The following UROS variants were observed in gnomAD, a reference collection of about 807,000 sequenced individuals.
The protein encoded by UROS is uroporphyrinogen III synthase.
UROS carries 18 observed loss-of-function variants against 33.0 expected under a neutral mutation model. That is an observed-to-expected ratio of 0.55 (90% confidence interval 0.38 to 0.81). The LOEUF is 0.81. Among genes scored for constraint, UROS ranks in the 30% least tolerant of loss-of-function variants. The pLI is 0.00. For synonymous variants in UROS, 114 were observed against 121.1 expected (o/e 0.94, Z 0.38); for missense variants, 293 against 314.9 (o/e 0.93, Z 0.53).
At chr10:125,820,704 C>A (rs886652492) in intron 1 of UROS, among the ~76,000 whole-genome samples, 12 of 152,206 alleles carry the variant, frequency 7.9e-5, no homozygotes, top group African/African-American at 2.9e-4. Context: ...GGAGGTGAAA[C>A]CAAGTCCCTG....
rs1850706336 is a variant in UROS, at chr10:125,788,693, G to A, written c.*175C>T. On this transcript the variant is annotated 3_prime_UTR_variant, in exon 10 of 10. Coordinates refer to ENST00000368797, the MANE Select transcript of UROS (RefSeq NM_000375.3). Reference sequence around the variant, plus strand: ...CCACAGAGGGCAGTCACGTGCACGTGGGCCTGAGGCCAGCCCCAGGTCAGG... The same window carrying A: ...CCACAGAGGGCAGTCACGTGCACGTAGGCCTGAGGCCAGCCCCAGGTCAGG... 2 of 1,431,542 alleles carry A rather than the reference G, an allele frequency of 1.4e-6. No individual in the cohort carries two copies. The highest frequency in any genetic ancestry group is 1.4e-5 in the African/African-American group (1 of 69,632). 88.7% of individuals were successfully genotyped at this position (1,431,542 alleles called of 1,614,324 possible).
intron 1 of UROS, among the ~76,000 whole-genome samples, chr10:125,817,642 C>CAT (rs397774166): frequency 6.6e-6 from 1 of 151,182 alleles, no homozygotes; most frequent in Admixed American, 6.6e-5. Flanking sequence ...ATCTATTGAA[C>CAT]TTACTGCCTC....
At chr10:125,816,151 T>C (rs780359273) in intron 3 of UROS, 26 bp downstream of exon 3, 4 of 1,600,704 alleles carry the variant, frequency 2.5e-6, no homozygotes, top group Middle Eastern at 1.7e-4. Flanking sequence ...AACACTAACA[T>C]GGTGCTCAGT....
rs529138601 is a variant in UROS, at chr10:125,794,948, G to A, written c.592C>T (p.Pro198Ser). ...GVPASITFFS[P>S]SGLTYSLKHI... Reference sequence around the variant, plus strand: ...TTGAGACTGTATGTGAGGCCAGAGGGACTAAAAAATGTGATGCTGGCTGGA... The same window carrying A: ...TTGAGACTGTATGTGAGGCCAGAGGAACTAAAAAATGTGATGCTGGCTGGA... Residue 198 changes from proline to serine, a missense_variant, in exon 9 of 10, where the codon CCC (proline) becomes TCC (serine). By Grantham distance (74) the Pro-to-Ser change is moderately conservative. Coordinates refer to ENST00000368797, the MANE Select transcript of UROS (RefSeq NM_000375.3). The A allele has an allele frequency of 1.9e-6, 3 of 1,614,158 alleles. No homozygotes were observed. In the East Asian group the frequency reaches 6.7e-5, roughly 36 times the overall value.
intron 7 of UROS, among the ~76,000 whole-genome samples, chr10:125,797,715 T>C (rs538417137): frequency 6.6e-6 from 1 of 152,198 alleles, no homozygotes; most frequent in African/African-American, 2.4e-5. Flanking sequence ...GCTACATTTG[T>C]AGACTTTCTT....
At chr10:125,811,165 C>T (rs940234982) in intron 5 of UROS, among the ~76,000 whole-genome samples, 17 of 152,092 alleles carry the variant, frequency 1.1e-4, no homozygotes, top group African/African-American at 3.4e-4. Context: ...GTGATGCTAC[C>T]GAAATCAAAC....
intron 4 of UROS, among the ~76,000 whole-genome samples, chr10:125,812,592 T>C (rs2133928278): frequency 6.6e-6 from 1 of 152,320 alleles, no homozygotes; most frequent in East Asian, 1.9e-4. Flanking sequence ...GAAGAATTAA[T>C]CTGCATAGTG....
intron 9 of UROS, 181 bp from the exon 10 acceptor site, chr10:125,789,186 C>A: frequency 7.0e-7 from 1 of 1,420,996 alleles, no homozygotes. Flanking sequence ...GTGCAAAATA[C>A]CTCTGCATCC....
intron 6 of UROS, chr10:125,803,029 G>C: frequency 6.2e-7 from 1 of 1,612,894 alleles, no homozygotes. Context: ...CTTCACCTGA[G>C]GGAAGAGAAA....
chr10:125,821,497 G>C (rs1363577452), intron 1 of UROS, among the ~76,000 whole-genome samples: 1 of 152,244 alleles, frequency 6.6e-6, no homozygotes, highest in Non-Finnish European at 1.5e-5. Context: ...TTTAACTACA[G>C]TTTCAATTTT....
intron 2 of UROS, 88 bp from the exon 3 acceptor site, chr10:125,816,348 G>A (rs1853317855): frequency 1.9e-6 from 3 of 1,602,382 alleles, no homozygotes; most frequent in Non-Finnish European, 2.6e-6. Context: ...CAGTTCCTCT[G>A]AGGTTTTGCA....
intron 7 of UROS, 68 bp from the exon 8 acceptor site, chr10:125,796,256 C>T: frequency 6.7e-7 from 1 of 1,496,210 alleles, no homozygotes; most frequent in Non-Finnish European, 9.3e-7. Context: ...CACCACTTCA[C>T]AGCACAGTTG....
chr10:125,806,189 T>C (rs373048215), intron 6 of UROS, among the ~76,000 whole-genome samples: 9 of 152,208 alleles, frequency 5.9e-5, no homozygotes, highest in Admixed American at 2.0e-4. Context: ...GTGTACAAGT[T>C]TGCACGTCAA....
At chr10:125,810,137 A>G (rs577526514) in intron 5 of UROS, among the ~76,000 whole-genome samples, 101 of 152,292 alleles carry the variant, frequency 6.6e-4, no homozygotes, top group Admixed American at 1.2e-3. Flanking sequence ...GGCAGTGGAA[A>G]GTGGCTCCTA....
At chr10:125,807,353 G>A in intron 6 of UROS, 60 bp downstream of exon 6, 2 of 1,405,928 alleles carry the variant, frequency 1.4e-6, no homozygotes, top group Non-Finnish European at 2.0e-6. Context: ...TCCCTAGGTA[G>A]TGGTTGTGAG....
intron 7 of UROS, chr10:125,796,755 C>G: frequency 1.8e-5 from 18 of 980,984 alleles, no homozygotes; most frequent in Non-Finnish European, 2.2e-5. Flanking sequence ...GTTTTCAGGG[C>G]TGGTGATGAG....
chr10:125,794,779 C>A, intron 9 of UROS, 101 bp downstream of exon 9: 2 of 1,156,518 alleles, frequency 1.7e-6, no homozygotes, highest in South Asian at 1.4e-5. Flanking sequence ...CCTGCTAGGC[C>A]AGGGGTGTCT....
Position 125,812,289 on chromosome 10 carries a change from C to A in UROS, c.245-1G>T. 1 of 1,613,638 alleles carries A rather than the reference C, an allele frequency of 6.2e-7. No homozygotes were observed. ...TTTTCTTTCAGAGACCTTTCCCAGA[C>A]TGTAAAACATGAAATGATATGTGAA... On this transcript the variant is annotated splice_acceptor_variant, in intron 4 of 9. Transcript: ENST00000368797. LOFTEE classifies it high-confidence loss of function.
At chr10:125,794,554 C>G (rs117833740) in intron 9 of UROS, among the ~76,000 whole-genome samples, 1 of 152,180 alleles carries the variant, frequency 6.6e-6, no homozygotes. Flanking sequence ...GATGTTAACA[C>G]CTGTACCAAG....
Sources: gnomAD v4.1 joint callset for allele counts (sites outside exome capture counted in the v4.1 genomes callset) on GRCh38, gnomAD v4.1.1 for gene constraint, MANE v1.5 for transcripts, NCBI Gene and HGNC (gene_info 2026-07-23, HGNC 2026-07-21) for gene names.